Variants in SLC35F3 observed in about 807,000 individuals in gnomAD.
SLC35F3 encodes solute carrier family 35 member F3.
Under a neutral mutation model 49.9 loss-of-function variants are expected in SLC35F3, and 25 were observed. The observed-to-expected ratio is 0.50, with a 90% confidence interval of 0.37 to 0.70. SLC35F3 has a LOEUF of 0.70. Among genes scored for constraint, SLC35F3 ranks in the 30% least tolerant of loss-of-function variants. SLC35F3 has a pLI of 0.00. For missense variants in SLC35F3, 525 were observed against 639.8 expected, an observed-to-expected ratio of 0.82 and a Z score of 1.94; for synonymous variants, 275 against 265.4, an observed-to-expected ratio of 1.04 and a Z score of -0.35.
intron 2 of SLC35F3, among the ~76,000 whole-genome samples, chr1:234,076,609 C>T (rs866456597): frequency 1.4e-4 from 21 of 151,868 alleles, no homozygotes. Context: ...TTATGGGTGC[C>T]CGCCATCATG....
chr1:234,182,063 T>C (rs533684369), intron 2 of SLC35F3, among the ~76,000 whole-genome samples: 96 of 152,370 alleles, frequency 6.3e-4, no homozygotes, highest in African/African-American at 2.3e-3. Flanking sequence ...ATTTTTTCCT[T>C]TTTTTAACTG....
intron 2 of SLC35F3, among the ~76,000 whole-genome samples, chr1:233,961,564 T>C (rs1662804224): frequency 6.6e-6 from 1 of 151,768 alleles, no homozygotes; most frequent in Admixed American, 6.6e-5. Context: ...TCCAGCGATT[T>C]TCCCACCTCA....
intron 2 of SLC35F3, among the ~76,000 whole-genome samples, chr1:234,217,223 C>T (rs957653314): frequency 2.6e-5 from 4 of 152,084 alleles, no homozygotes; most frequent in African/African-American, 9.7e-5. Flanking sequence ...GCATGTGGTA[C>T]ATATAAAACC....
At chr1:233,908,218 G>T (rs993423071) in intron 2 of SLC35F3, among the ~76,000 whole-genome samples, 1 of 151,470 alleles carries the variant, frequency 6.6e-6, no homozygotes, top group South Asian at 2.1e-4. Flanking sequence ...AAATTCTCAT[G>T]ATCTCCAGAG....
intron 2 of SLC35F3, among the ~76,000 whole-genome samples, chr1:234,096,858 C>T (rs1042819426): frequency 6.6e-6 from 1 of 150,924 alleles, no homozygotes; most frequent in Non-Finnish European, 1.5e-5. Context: ...ATTGCTGGAT[C>T]GAACGGTAAA....
At chr1:233,943,827 A>T (rs1037664251) in intron 2 of SLC35F3, among the ~76,000 whole-genome samples, 2 of 152,258 alleles carry the variant, frequency 1.3e-5, no homozygotes, top group South Asian at 4.1e-4. Context: ...ATGCAACTTT[A>T]TCAAATATTG....
At position 233,950,385 on chromosome 1, in the gene SLC35F3, CAAAAA is replaced by C. The variant is rs58271294; in HGVS notation, c.283+44647_283+44651del. Among the ~76,000 whole-genome samples, 145 of 31,382 alleles carry C rather than the reference CAAAAA, an allele frequency of 4.6e-3. 1 individual carries two copies. The highest frequency in any genetic ancestry group is 0.015 in the African/African-American group (137 of 9,004). The allele number at this position is 31,382 out of a possible 152,430, so 20.6% of individuals were successfully genotyped here. ...TGGGTGACAGAGCAAGACTCTGTCT[CAAAAA>C]AAAAAAAAAAAAAAAAAAATGAAAA... On this transcript the variant is annotated intron_variant, in intron 2 of 7. Transcript: ENST00000366618.
chr1:234,053,497 G>A (rs988661909), intron 2 of SLC35F3, among the ~76,000 whole-genome samples: 1 of 152,058 alleles, frequency 6.6e-6, no homozygotes, highest in Non-Finnish European at 1.5e-5. Flanking sequence ...TTCCTTGGTT[G>A]ATCTTCCTCC....
At chr1:234,081,443 C>G (rs1235432486) in intron 2 of SLC35F3, among the ~76,000 whole-genome samples, 1 of 152,130 alleles carries the variant, frequency 6.6e-6, no homozygotes, top group African/African-American at 2.4e-5. Flanking sequence ...ATCCAAGCTG[C>G]TGGTTCCTGT....
intron 3 of SLC35F3, among the ~76,000 whole-genome samples, chr1:234,275,301 C>T (rs12047096): frequency 0.06 from 9,120 of 151,438 alleles, 329 homozygotes; most frequent in African/African-American, 0.098. Flanking sequence ...CCTGAGATAA[C>T]ATCATTGTGG....
intron 2 of SLC35F3, among the ~76,000 whole-genome samples, chr1:233,984,520 A>G (rs2358109): frequency 0.28 from 42,296 of 152,138 alleles, 6,145 homozygotes; most frequent in East Asian, 0.49. Flanking sequence ...GAGGTTACAC[A>G]TTGGCTCTGG....
intron 2 of SLC35F3, among the ~76,000 whole-genome samples, chr1:233,932,415 G>A (rs4920239): frequency 0.29 from 44,693 of 151,910 alleles, 7,647 homozygotes; most frequent in Admixed American, 0.49. Context: ...ATAATATGCC[G>A]ACTCTATAAA....
chr1:234,177,085 G>T (rs1293315813), intron 2 of SLC35F3, among the ~76,000 whole-genome samples: 1 of 152,162 alleles, frequency 6.6e-6, no homozygotes, highest in African/African-American at 2.4e-5. Context: ...CATGCAGGTA[G>T]GTCTTTCCTG....
At chr1:233,978,951 G>A (rs1467745063) in intron 2 of SLC35F3, among the ~76,000 whole-genome samples, 5 of 151,716 alleles carry the variant, frequency 3.3e-5, no homozygotes, top group Admixed American at 6.6e-5. Flanking sequence ...CAGGAGAATC[G>A]CTTGAGCCTG....
At chr1:234,156,108 A>G (rs1299085870) in intron 2 of SLC35F3, among the ~76,000 whole-genome samples, 1 of 152,202 alleles carries the variant, frequency 6.6e-6, no homozygotes, top group Non-Finnish European at 1.5e-5. Flanking sequence ...TAAGACAAAG[A>G]ACCACCAATG....
chr1:233,964,555 C>G (rs993951884), intron 2 of SLC35F3, among the ~76,000 whole-genome samples: 10 of 152,192 alleles, frequency 6.6e-5, no homozygotes, highest in African/African-American at 2.4e-4. Context: ...GAATCCAGTA[C>G]ATGCTGTAAA....
intron 3 of SLC35F3, 93 bp from the exon 4 acceptor site, chr1:234,309,008 A>G (rs1490462543): frequency 2.5e-4 from 202 of 821,952 alleles, no homozygotes; most frequent in Non-Finnish European, 1.3e-4. Flanking sequence ...CCCTTCCTAT[A>G]TTTGCTTAAA....
At chr1:234,209,365 A>T (rs1434745531) in intron 2 of SLC35F3, among the ~76,000 whole-genome samples, 4 of 151,018 alleles carry the variant, frequency 2.6e-5, no homozygotes, top group African/African-American at 2.4e-5. Flanking sequence ...AGGCCATAAT[A>T]AAAAAAAAGC....
At position 234,140,267 on chromosome 1, in the gene SLC35F3, G is replaced by A. The variant is rs192209489; in HGVS notation, c.284-91150G>A. ...ATCTCATCTCATTTCATCTCATCACGCAGGCATTTAATCATCTCGCATCAT... is the reference window on the plus strand; with the variant it reads ...ATCTCATCTCATTTCATCTCATCACACAGGCATTTAATCATCTCGCATCAT... On this transcript the variant is annotated intron_variant, in intron 2 of 7. Coordinates refer to ENST00000366618, the MANE Select transcript of SLC35F3 (RefSeq NM_173508.4). Among the ~76,000 whole-genome samples, 432 of 152,058 alleles carry A rather than the reference G, an allele frequency of 2.8e-3. 2 individuals are homozygous for A. Among genetic ancestry groups the A allele is most frequent in the Non-Finnish European group, 4.6e-3 (315 of 67,994 alleles).
Sources: allele counts gnomAD v4.1 joint callset (sites outside exome capture counted in the v4.1 genomes callset), GRCh38; gene constraint gnomAD v4.1.1; transcripts MANE v1.5; gene names NCBI Gene and HGNC (gene_info 2026-07-23, HGNC 2026-07-21).